The following B3GAT2 variants were observed in gnomAD, a reference collection of about 807,000 sequenced individuals.
B3GAT2 encodes beta-1,3-glucuronyltransferase 2.
Under a neutral mutation model 27.8 loss-of-function variants are expected in B3GAT2, and 26 were observed. The observed-to-expected ratio is 0.93, with a 90% CI of 0.68 to 1.30. The LOEUF is 1.30. B3GAT2 is among the 50% of genes most tolerant of loss of function. The pLI is 0.00. For missense variants in B3GAT2, 458 were observed against 459.0 expected (o/e 1.00, Z 0.02); for synonymous variants, 218 against 195.1 (o/e 1.12, Z -0.98).
chr6:70,898,713 C>T (rs1772436056), intron 1 of B3GAT2, among the ~76,000 whole-genome samples: 1 of 152,154 alleles, frequency 6.6e-6, no homozygotes. Flanking sequence ...CTCTGTGCTC[C>T]CTTAAGAATG....
At chr6:70,938,201 G>A (rs1424279915) in intron 1 of B3GAT2, among the ~76,000 whole-genome samples, 14 of 146,512 alleles carry the variant, frequency 9.6e-5, no homozygotes, top group Non-Finnish European at 1.5e-4. Context: ...TACAAGGGAC[G>A]TGAAGGACCT....
At chr6:70,923,375 G>C (rs1772902761) in intron 1 of B3GAT2, among the ~76,000 whole-genome samples, 1 of 152,114 alleles carries the variant, frequency 6.6e-6, no homozygotes, top group South Asian at 2.1e-4. Flanking sequence ...CAAGAACCAA[G>C]TCACTTAAAA....
At chr6:70,935,474 G>GTGTATATATATATATATATATA (rs1765252870) in intron 1 of B3GAT2, among the ~76,000 whole-genome samples, 1 of 151,118 alleles carries the variant, frequency 6.6e-6, no homozygotes, top group African/African-American at 2.4e-5. Flanking sequence ...ATATATATGT[G>GTGTATATATATATATATATATA]TATATATATA....
intron 1 of B3GAT2, among the ~76,000 whole-genome samples, chr6:70,903,913 T>C (rs77839839): frequency 0.022 from 3,417 of 152,220 alleles, 120 homozygotes; most frequent in East Asian, 0.088. Flanking sequence ...AAAGCTCATG[T>C]CCATACAAAA....
intron 1 of B3GAT2, among the ~76,000 whole-genome samples, chr6:70,910,082 C>T (rs893824776): frequency 1.3e-5 from 2 of 152,102 alleles, no homozygotes; most frequent in African/African-American, 4.8e-5. Flanking sequence ...ACCGTGTTGG[C>T]CAGGATGGTC....
chr6:70,948,336 T>C (rs915590502), intron 1 of B3GAT2, among the ~76,000 whole-genome samples: 23 of 147,232 alleles, frequency 1.6e-4, no homozygotes, highest in South Asian at 2.2e-4. Context: ...AAAACCCCAT[T>C]GTCTCAGCCA....
Position 70,859,522 on chromosome 6 carries a change from T to TAAGA in B3GAT2, c.*2137_*2140dup, listed in dbSNP as rs1173687308. The stretch of plus-strand genomic sequence containing the variant: ...ATAAGTCAAGTCAAATGTATTAAAT[T>TAAGA]AAGAACACAGTCTAACTCTGAGTGT... On this transcript the variant is annotated 3_prime_UTR_variant, in exon 4 of 4. Transcript: ENST00000230053. 9.8e-6 allele frequency: 7 copies of TAAGA among 714,226 alleles called. No homozygotes were observed. Among genetic ancestry groups the TAAGA allele is most frequent in the Admixed American group, 3.1e-5 (1 of 32,518 alleles). The allele number at this position is 714,226 out of a possible 1,614,324, so 44.2% of individuals were successfully genotyped here.
chr6:70,937,792 T>C (rs1230349534), intron 1 of B3GAT2, among the ~76,000 whole-genome samples: 1 of 152,108 alleles, frequency 6.6e-6, no homozygotes, highest in East Asian at 1.9e-4. Flanking sequence ...CCACAGCCAA[T>C]ATCATACTGA....
chr6:70,869,185 GCTTT>G lies in B3GAT2; in HGVS notation c.737-7211_737-7208del, dbSNP rs1464818792. On this transcript the variant is annotated intron_variant, in intron 2 of 3. Coordinates refer to ENST00000230053, the MANE Select transcript of B3GAT2 (RefSeq NM_080742.3). ...GTACCACACTGTATTACTGTAGTTT[GCTTT>G]CTTTAAGTTGAGACAGGGTCTTCCT... Among the ~76,000 whole-genome samples, 5 of 152,170 alleles carry G rather than the reference GCTTT, an allele frequency of 3.3e-5. No homozygotes were observed. The East Asian group carries it at 9.6e-4, about 29-fold the overall frequency.
chr6:70,876,773 G>A (rs1227877267), intron 2 of B3GAT2, among the ~76,000 whole-genome samples: 1 of 152,134 alleles, frequency 6.6e-6, no homozygotes, highest in Non-Finnish European at 1.5e-5. Context: ...TACTGAATGT[G>A]GTCTCTGCCC....
chr6:70,910,413 G>T (rs1031071687), intron 1 of B3GAT2, among the ~76,000 whole-genome samples: 5 of 152,124 alleles, frequency 3.3e-5, no homozygotes, highest in African/African-American at 1.2e-4. Flanking sequence ...TTATAAGTTA[G>T]AACATGCAGC....
chr6:70,897,883 G>A (rs1444029018), intron 1 of B3GAT2, among the ~76,000 whole-genome samples: 1 of 151,990 alleles, frequency 6.6e-6, no homozygotes, highest in Non-Finnish European at 1.5e-5. Flanking sequence ...TGGAACAACT[G>A]AGCCGCCATT....
intron 1 of B3GAT2, among the ~76,000 whole-genome samples, chr6:70,944,526 C>T (rs2150050697): frequency 6.6e-6 from 1 of 152,278 alleles, no homozygotes; most frequent in Non-Finnish European, 1.5e-5. Context: ...GGAGGGGTGC[C>T]CGCAATTGCC....
In B3GAT2 at chr6:70,956,978, C is replaced by G; in HGVS notation, c.-549G>C. 1.0e-6 allele frequency: 1 copy of G among 1,003,384 alleles called. No individual in the cohort carries two copies. Among genetic ancestry groups the G allele is most frequent in the Non-Finnish European group, 1.2e-6 (1 of 842,352 alleles). 62.2% of individuals were successfully genotyped at this position (1,003,384 alleles called of 1,614,324 possible). On this transcript the variant is annotated 5_prime_UTR_variant, in exon 1 of 4. Transcript: ENST00000230053. ...GGGTGGAGACGCTGGGGGTTGTGTC[C>G]CGGCTGTGTTCGCGCGCCGCAGCGG...
intron 1 of B3GAT2, among the ~76,000 whole-genome samples, chr6:70,925,053 T>C (rs1562230418): frequency 6.6e-6 from 1 of 152,190 alleles, no homozygotes; most frequent in Non-Finnish European, 1.5e-5. Flanking sequence ...CGCCCAGAAG[T>C]GGACTCAGCA....
intron 1 of B3GAT2, among the ~76,000 whole-genome samples, chr6:70,906,846 T>C (rs1772609952): frequency 6.6e-6 from 1 of 152,140 alleles, no homozygotes; most frequent in African/African-American, 2.4e-5. Context: ...TTAAGGCAAT[T>C]ACACAGACAC....
rs1429879999 is a variant in B3GAT2, at chr6:70,859,498, TAAGTC to T, written c.*2160_*2164del. On this transcript the variant is annotated 3_prime_UTR_variant, in exon 4 of 4. Coordinates refer to ENST00000230053, the MANE Select transcript of B3GAT2 (RefSeq NM_080742.3). ...ATGTTAGTGTCTTTGAAACTGTAAA[TAAGTC>T]AAGTCAAATGTATTAAATTAAGAAC... 7 of 880,974 alleles carry T rather than the reference TAAGTC, an allele frequency of 7.9e-6. No homozygotes were observed. The East Asian group carries it at 8.3e-5, about 10-fold the overall frequency. The allele number at this position is 880,974 out of a possible 1,614,324, so 54.6% of individuals were successfully genotyped here.
In B3GAT2 at chr6:70,856,695, TA is replaced by T. The variant is rs1260113448; in HGVS notation, c.*4967del. On this transcript the variant is annotated 3_prime_UTR_variant, in exon 4 of 4. Coordinates refer to ENST00000230053, the MANE Select transcript of B3GAT2 (RefSeq NM_080742.3). ...GTACTGTCTTGATTGTAGATGTTTT[TA>T]TATGGGCTTGGGCTTGTAAGTGATC... 1.8e-6 allele frequency: 1 copy of T among 569,344 alleles called. No homozygotes were observed. The highest frequency in any genetic ancestry group is 2.9e-6 in the Non-Finnish European group (1 of 341,722). The allele number at this position is 569,344 out of a possible 1,614,324, so 35.3% of individuals were successfully genotyped here.
intron 1 of B3GAT2, among the ~76,000 whole-genome samples, chr6:70,939,874 C>A (rs961288332): frequency 6.6e-6 from 1 of 151,490 alleles, no homozygotes; most frequent in Non-Finnish European, 1.5e-5. Context: ...TGCACATGTA[C>A]CCTAAAACTT....
Sources: allele counts gnomAD v4.1 joint callset (sites outside exome capture counted in the v4.1 genomes callset), GRCh38; gene constraint gnomAD v4.1.1; transcripts MANE v1.5; gene names NCBI Gene and HGNC (gene_info 2026-07-23, HGNC 2026-07-21).